Variants in ASZ1 observed in about 807,000 individuals in gnomAD.
ASZ1 encodes the protein ankyrin repeat, SAM and basic leucine zipper domain-containing protein 1.
A neutral mutation model predicts 61.8 loss-of-function variants in ASZ1; 67 were observed. The observed-to-expected ratio is 1.08, with a 90% confidence interval of 0.89 to 1.33. The LOEUF (loss-of-function observed/expected upper bound fraction) is 1.33. Ranked by LOEUF, ASZ1 falls within the 40% of genes most tolerant of loss-of-function variation. ASZ1 has a pLI of 0.00. For synonymous variants in ASZ1, 193 were observed against 192.7 expected (o/e 1.00, Z -0.01); for missense variants, 577 against 554.5 (o/e 1.04, Z -0.41).
intron 4 of ASZ1, among the ~76,000 whole-genome samples, chr7:117,400,590 T>G (rs1796661480): frequency 6.6e-6 from 1 of 152,144 alleles, no homozygotes. Context: ...CACTGAGAAC[T>G]TCAAGAATCA....
chr7:117,420,912 C>T (rs565680762), intron 3 of ASZ1, among the ~76,000 whole-genome samples: 3 of 152,300 alleles, frequency 2.0e-5, no homozygotes, highest in Admixed American at 2.0e-4. Context: ...TGGCTCAATA[C>T]TGACAGAGCA....
At chr7:117,401,268 C>T (rs1033855062) in intron 4 of ASZ1, among the ~76,000 whole-genome samples, 2 of 152,086 alleles carry the variant, frequency 1.3e-5, no homozygotes, top group Admixed American at 6.5e-5. Context: ...TATCTTAAGA[C>T]ATACTGCCTG....
At chr7:117,382,178 C>T (rs1584723414) in intron 7 of ASZ1, 34 bp from the exon 8 acceptor site, 4 of 1,279,418 alleles carry the variant, frequency 3.1e-6, no homozygotes, top group Non-Finnish European at 4.5e-6. Context: ...AATTTCAGAA[C>T]AGATTATAAA....
At chr7:117,377,954 T>A (rs1257659440) in intron 10 of ASZ1, among the ~76,000 whole-genome samples, 1 of 151,674 alleles carries the variant, frequency 6.6e-6, no homozygotes, top group African/African-American at 2.4e-5. Context: ...GCCTTTTCAA[T>A]AAATAGTGCT....
At chr7:117,366,224 A>G (rs1584714461) in intron 12 of ASZ1, among the ~76,000 whole-genome samples, 1 of 152,084 alleles carries the variant, frequency 6.6e-6, no homozygotes. Flanking sequence ...AGATTGCACC[A>G]CTGCACTCCA....
rs190198911 is a variant in ASZ1 at position 117,421,510 on chromosome 7, C to T, written c.328+727G>A. 6.6e-5 allele frequency among the ~76,000 whole-genome samples: 10 copies of T among 152,088 alleles called. No homozygotes were observed. The East Asian group carries it at 1.9e-3, about 29-fold the overall frequency. On this transcript the variant is annotated intron_variant, in intron 3 of 12. Transcript: ENST00000284629. The stretch of plus-strand genomic sequence containing the variant: ...TGCTAGGATTATAAGCATGAGCCAC[C>T]ATGCCTGGCCAAGTGATATTTTTAA...
chr7:117,391,881 C>A (rs1796477047), intron 4 of ASZ1, among the ~76,000 whole-genome samples: 1 of 151,940 alleles, frequency 6.6e-6, no homozygotes, highest in African/African-American at 2.4e-5. Flanking sequence ...CAATGTCTGC[C>A]TCTGGGTTGA....
rs768740791 is a variant in ASZ1 at position 117,407,409 on chromosome 7, TA to T, written c.440+12753del. On this transcript the variant is annotated intron_variant, in intron 4 of 12. Transcript: ENST00000284629. ...CTCAGTAACTGATAGAACACGGAAG[TA>T]AAAAAAAAAAAAAATCAGGACAGTA... 6.2e-3 allele frequency among the ~76,000 whole-genome samples: 833 copies of T among 133,366 alleles called. 1 individual carries two copies. The highest frequency in any genetic ancestry group is 0.014 in the East Asian group (65 of 4,658). 87.5% of individuals were successfully genotyped at this position (133,366 alleles called of 152,430 possible).
intron 4 of ASZ1, among the ~76,000 whole-genome samples, chr7:117,407,107 G>T (rs1369647175): frequency 6.6e-6 from 1 of 151,926 alleles, no homozygotes; most frequent in Non-Finnish European, 1.5e-5. Flanking sequence ...ACAATGAAAA[G>T]AAAACTACTG....
intron 2 of ASZ1, among the ~76,000 whole-genome samples, chr7:117,424,832 T>C (rs1027672894): frequency 1.3e-5 from 2 of 152,240 alleles, no homozygotes; most frequent in African/African-American, 2.4e-5. Context: ...AGTTCCATTG[T>C]CCAAAAAGTC....
chr7:117,390,131 T>G (rs1796435440), intron 4 of ASZ1, among the ~76,000 whole-genome samples: 1 of 152,014 alleles, frequency 6.6e-6, no homozygotes, highest in Admixed American at 6.6e-5. Context: ...TATCCACTCT[T>G]GAGTTGATGG....
Position 117,420,218 on chromosome 7 carries a change from A to G in ASZ1, c.385T>C (p.Leu129=). The change falls in exon 4 of 13, where the codon TTG becomes CTG. Residue 129 remains leucine (L), a synonymous_variant. Transcript: ENST00000284629. ...GAAAGTAGTAGTTCTACACACTTCA[A>G]GATCTGTTCCTCTGAGCCATGAGCA... The part of the protein sequence containing the change: ...CSAHGSEEQI[L]KCVELLLSRN... The G allele has an allele frequency of 3.1e-6, 5 of 1,612,838 alleles. No homozygotes were observed. The highest frequency in any genetic ancestry group is 3.4e-6 in the Non-Finnish European group (4 of 1,179,726).
intron 4 of ASZ1, among the ~76,000 whole-genome samples, chr7:117,401,455 A>G (rs1796679542): frequency 6.6e-6 from 1 of 152,038 alleles, no homozygotes; most frequent in Non-Finnish European, 1.5e-5. Flanking sequence ...AATACCTTCA[A>G]AGAATCAACA....
intron 6 of ASZ1, 48 bp downstream of exon 6, chr7:117,384,678 T>C: frequency 1.3e-6 from 2 of 1,541,978 alleles, no homozygotes; most frequent in East Asian, 2.4e-5. Context: ...CTACAAATGA[T>C]AATGTGATAT....
chr7:117,399,454 C>T (rs969613178), intron 4 of ASZ1, among the ~76,000 whole-genome samples: 1 of 152,186 alleles, frequency 6.6e-6, no homozygotes, highest in Non-Finnish European at 1.5e-5. Flanking sequence ...GAATCTCTTC[C>T]GTACTGTCAA....
rs1348887522 is a variant in ASZ1 at position 117,369,235 on chromosome 7, G to A, written c.1056-518C>T. On this transcript the variant is annotated intron_variant, in intron 10 of 12. Coordinates refer to ENST00000284629, the MANE Select transcript of ASZ1 (RefSeq NM_130768.3). ...TGTGGTTGAAGAAAAAGTTTGCCAA[G>A]TAGGTAAGGAAGAGATTCTGGATAA... 2.0e-5 allele frequency among the ~76,000 whole-genome samples: 3 copies of A among 152,224 alleles called. No individual in the cohort carries two copies. In the East Asian group the frequency reaches 5.8e-4, roughly 29 times the overall value.
intron 4 of ASZ1, among the ~76,000 whole-genome samples, chr7:117,410,710 G>A (rs987031879): frequency 6.6e-6 from 1 of 151,112 alleles, no homozygotes; most frequent in Non-Finnish European, 1.5e-5. Flanking sequence ...TCAGGACAGG[G>A]TATGGAAAGC....
intron 10 of ASZ1, among the ~76,000 whole-genome samples, chr7:117,377,147 TTG>T (rs1218664444): frequency 6.6e-6 from 1 of 152,136 alleles, no homozygotes; most frequent in African/African-American, 2.4e-5. Flanking sequence ...CCATTGGCAA[TTG>T]TGCCAAATAA....
At chr7:117,427,230 G>T in intron 1 of ASZ1, 126 bp downstream of exon 1, 1 of 1,147,948 alleles carries the variant, frequency 8.7e-7, no homozygotes. Flanking sequence ...ACAAACTCCC[G>T]TATTTCCACT....
Sources: allele counts gnomAD v4.1 joint callset (sites outside exome capture counted in the v4.1 genomes callset), GRCh38; gene constraint gnomAD v4.1.1; transcripts MANE v1.5; gene names NCBI Gene and HGNC (gene_info 2026-07-23, HGNC 2026-07-21).